The following SIK3 variants were observed in gnomAD, a reference collection of about 807,000 sequenced individuals.
The protein encoded by SIK3 is SIK family kinase 3, also known as serine/threonine-protein kinase SIK3.
SIK3 carries 28 observed loss-of-function variants against 144.2 expected under a neutral mutation model. That is an observed-to-expected ratio of 0.19 (90% confidence interval 0.14 to 0.27). The LOEUF (loss-of-function observed/expected upper bound fraction) is 0.27, where lower values mean the gene tolerates loss of function less well. SIK3 is among the 10% of genes least tolerant of loss of function. The pLI is 1.00. For synonymous variants in SIK3, 686 were observed against 676.3 expected, an observed-to-expected ratio of 1.01 and a Z score of -0.22; for missense variants, 1,319 against 1,776.0, an observed-to-expected ratio of 0.74 and a Z score of 4.62.
intron 1 of SIK3, among the ~76,000 whole-genome samples, chr11:116,963,008 C>T (rs916155964): frequency 1.3e-5 from 2 of 152,120 alleles, no homozygotes; most frequent in African/African-American, 2.4e-5. Flanking sequence ...AGTTAAAGGA[C>T]GTATTCCTTG....
chr11:116,934,491 T>C (rs1947795714), intron 3 of SIK3, among the ~76,000 whole-genome samples: 1 of 152,214 alleles, frequency 6.6e-6, no homozygotes, highest in African/African-American at 2.4e-5. Context: ...AAAAGTATAC[T>C]AAATTTTCTT....
intron 1 of SIK3, among the ~76,000 whole-genome samples, chr11:116,986,140 A>G (rs1376277766): frequency 6.6e-6 from 1 of 152,116 alleles, no homozygotes; most frequent in Non-Finnish European, 1.5e-5. Flanking sequence ...CTGAAGAACA[A>G]TTTCTAAAAA....
intron 3 of SIK3, among the ~76,000 whole-genome samples, chr11:116,938,020 C>T (rs1430985806): frequency 6.6e-6 from 1 of 151,970 alleles, no homozygotes; most frequent in Non-Finnish European, 1.5e-5. Flanking sequence ...GCTTGGCCAA[C>T]ATGGTGAAAC....
Position 116,956,976 on chromosome 11 carries a change from C to T in SIK3, c.362G>A (p.Cys121Tyr), listed in dbSNP as rs1949162043. ...FREVQIMKML[C>Y]HPHIIRLYQV... Reference sequence around the variant, plus strand: ...GTAGAGCCTGATGATATGGGGGTGGCAAAGCATCTTCATAATTTGAACTTC... The same window carrying T: ...GTAGAGCCTGATGATATGGGGGTGGTAAAGCATCTTCATAATTTGAACTTC... The change falls in exon 2 of 25, where the codon TGC becomes TAC. Residue 121 changes from cysteine (C) to tyrosine (Y), a missense_variant. Cys to Tyr is a radical substitution (Grantham distance 194, BLOSUM62 -2). Around this residue, in one of 8 missense-constraint regions of SIK3, gnomAD observed 125 missense variants for 285.2 expected, o/e 0.44. Transcript: ENST00000445177. 1.9e-6 allele frequency: 3 copies of T among 1,609,258 alleles called. No individual in the cohort carries two copies. Among genetic ancestry groups the T allele is most frequent in the African/African-American group, 2.7e-5 (2 of 74,838 alleles).
chr11:116,891,091 A>G (rs1305786788), intron 6 of SIK3, among the ~76,000 whole-genome samples: 1 of 152,124 alleles, frequency 6.6e-6, no homozygotes, highest in African/African-American at 2.4e-5. Flanking sequence ...AGGATCGCTT[A>G]AGGTTAGGAA....
intron 1 of SIK3, among the ~76,000 whole-genome samples, chr11:117,013,907 G>GTGTGTGTGTGTGTGTGTGTGTGTGTGTAT (rs1485971413): frequency 2.2e-4 from 10 of 44,898 alleles, no homozygotes; most frequent in Non-Finnish European, 3.7e-4. Flanking sequence ...TGAGGGGGGG[G>GTGTGTGTGTGTGTGTGTGTGTGTGTGTAT]GGGGGAGGGT....
At chr11:116,953,271 A>T (rs772440077) in intron 3 of SIK3, among the ~76,000 whole-genome samples, 7 of 152,142 alleles carry the variant, frequency 4.6e-5, no homozygotes, top group African/African-American at 7.2e-5. Flanking sequence ...ATATTGATAA[A>T]TTTTTTTTAA....
At chr11:116,975,919 C>T (rs1027319633) in intron 1 of SIK3, among the ~76,000 whole-genome samples, 2 of 152,136 alleles carry the variant, frequency 1.3e-5, no homozygotes, top group Non-Finnish European at 1.5e-5. Context: ...TTAGTGGATA[C>T]GTGGTATCTC....
At chr11:117,091,200 CTTTTTTT>C (rs386375011) in intron 1 of SIK3, among the ~76,000 whole-genome samples, 9 of 93,020 alleles carry the variant, frequency 9.7e-5, no homozygotes, top group East Asian at 9.4e-4. Context: ...TTTTTTTTTT[CTTTTTTT>C]TTTTTTTTTT....
intron 1 of SIK3, among the ~76,000 whole-genome samples, chr11:117,021,928 C>CAAAA (rs71037444): frequency 0.012 from 711 of 58,890 alleles, 101 homozygotes; most frequent in Non-Finnish European, 0.017. Flanking sequence ...TCTGTCTCTA[C>CAAAA]AAAAAAAAAA....
At chr11:116,874,996 G>A (rs573449033) in intron 11 of SIK3, among the ~76,000 whole-genome samples, 162 bp downstream of exon 11, 5 of 152,160 alleles carry the variant, frequency 3.3e-5, no homozygotes, top group Non-Finnish European at 5.9e-5. Flanking sequence ...AATTTTAATT[G>A]TCTACATACA....
chr11:117,047,351 T>C (rs1023198088), intron 1 of SIK3, among the ~76,000 whole-genome samples: 8 of 152,162 alleles, frequency 5.3e-5, no homozygotes, highest in African/African-American at 1.7e-4. Flanking sequence ...TTATACCTCA[T>C]AGAAAGGTAC....
intron 4 of SIK3, among the ~76,000 whole-genome samples, chr11:116,925,973 G>A (rs573504974): frequency 2.0e-5 from 3 of 152,262 alleles, no homozygotes; most frequent in African/African-American, 7.2e-5. Context: ...TAAAAAGCTA[G>A]GTGATGCTCC....
chr11:117,079,851 G>A (rs73576652), intron 1 of SIK3, among the ~76,000 whole-genome samples: 8,537 of 151,902 alleles, frequency 0.056, 530 homozygotes, highest in African/African-American at 0.15. Flanking sequence ...TATTTTATAA[G>A]GTAACTAATT....
chr11:116,859,666 G>A (rs1441782006), intron 19 of SIK3, 62 bp from the exon 20 acceptor site: 2 of 1,370,934 alleles, frequency 1.5e-6, no homozygotes, highest in African/African-American at 1.4e-5. Context: ...CAGAAGTAAT[G>A]AGAGCTAATG....
At chr11:116,887,990 G>C (rs140521985) in intron 6 of SIK3, among the ~76,000 whole-genome samples, 14 of 152,296 alleles carry the variant, frequency 9.2e-5, no homozygotes, top group African/African-American at 2.9e-4. Context: ...TGAATTGTGA[G>C]GATACTTCAT....
At chr11:116,883,942 A>AG (rs995654313) in intron 6 of SIK3, among the ~76,000 whole-genome samples, 13 of 152,274 alleles carry the variant, frequency 8.5e-5, no homozygotes, top group East Asian at 3.9e-4. Flanking sequence ...TTAAAAAAAA[A>AG]AAATGACATT....
intron 1 of SIK3, among the ~76,000 whole-genome samples, chr11:116,994,654 T>G (rs1950601763): frequency 6.6e-6 from 1 of 152,208 alleles, no homozygotes; most frequent in African/African-American, 2.4e-5. Context: ...CACAATCATA[T>G]GTACTATAAG....
At position 116,846,206 on chromosome 11, in the gene SIK3, C is replaced by T. The variant is rs981373864; in HGVS notation, c.*13+177G>A. ...TCTGCACACCCCCACCCCTACCTCG[C>T]GCCCTAAAACTAGCAGCGTCGTTAA... On this transcript the variant is annotated intron_variant, in intron 24 of 24. Coordinates refer to ENST00000445177, the MANE Select transcript of SIK3 (RefSeq NM_001366686.3). The surrounding 1 kb of genome is among the most constrained non-coding windows in gnomAD (Gnocchi z 4.1). Among the ~76,000 whole-genome samples, 3 of 152,186 alleles carry T rather than the reference C, an allele frequency of 2.0e-5. No individual in the cohort carries two copies. Among genetic ancestry groups the T allele is most frequent in the East Asian group, 1.9e-4 (1 of 5,200 alleles).
Sources: allele counts gnomAD v4.1 joint callset (sites outside exome capture counted in the v4.1 genomes callset), GRCh38; gene constraint gnomAD v4.1.1; regional missense constraint gnomAD v4.1.1; non-coding constraint Gnocchi (gnomAD v3.1); transcripts MANE v1.5; gene names NCBI Gene and HGNC (gene_info 2026-07-23, HGNC 2026-07-21).